C17orf107: variants seen among roughly 807,000 people sequenced by gnomAD.
The protein encoded by C17orf107 is uncharacterized protein C17orf107.
Under a neutral mutation model 8.9 loss-of-function variants are expected in C17orf107, and 9 were observed. That is an observed-to-expected ratio of 1.02 (90% confidence interval 0.61 to 1.77). The LOEUF (loss-of-function observed/expected upper bound fraction) is 1.77. Ranked by LOEUF, C17orf107 falls within the 40% of genes most tolerant of loss-of-function variation. C17orf107 has a pLI of 0.00. For missense variants in C17orf107, 281 were observed against 249.0 expected (o/e 1.13, Z -0.86); for synonymous variants, 139 against 120.3 (o/e 1.16, Z -1.02).
chr17:4,901,209 G>A lies in C17orf107; in HGVS notation c.*676G>A, dbSNP rs756946862. The A allele has an allele frequency of 4.4e-6, 7 of 1,597,082 alleles. No homozygotes were observed. The highest frequency in any genetic ancestry group is 2.2e-5 in the East Asian group (1 of 44,734). The stretch of plus-strand genomic sequence containing the variant: ...CCGTTCTCTGCGGGACGGGGGCACG[G>A]TCAGCTGGCTGTCAGAGCGGGGCGC... On this transcript the variant is annotated 3_prime_UTR_variant, in exon 3 of 3. Coordinates refer to ENST00000381365, the MANE Select transcript of C17orf107 (RefSeq NM_001145536.2).
Position 4,901,893 on chromosome 17 carries a change from C to CCA in C17orf107, c.*1360_*1361insCA, listed in dbSNP as rs374445478. ...GGCCCCGCCCCATAAGGCCCCCCCCCAACAATAATCGTCCGGGCCTCGGAG... is the reference window on the plus strand; with the variant it reads ...GGCCCCGCCCCATAAGGCCCCCCCCCCAAACAATAATCGTCCGGGCCTCGGAG... On this transcript the variant is annotated 3_prime_UTR_variant, in exon 3 of 3. Coordinates refer to ENST00000381365, the MANE Select transcript of C17orf107 (RefSeq NM_001145536.2). 8.7e-6 allele frequency: 14 copies of CCA among 1,607,476 alleles called. No homozygotes were observed. In the African/African-American group the frequency reaches 1.5e-4, roughly 17 times the overall value.
rs1228133214 is a variant in C17orf107, at chr17:4,900,905, C to A, written c.*372C>A. The A allele has an allele frequency of 6.2e-7, 1 of 1,614,034 alleles. No homozygotes were observed. The highest frequency in any genetic ancestry group is 1.7e-5 in the Admixed American group (1 of 60,000). On this transcript the variant is annotated 3_prime_UTR_variant, in exon 3 of 3. Transcript: ENST00000381365. The stretch of plus-strand genomic sequence containing the variant: ...ATGGAGACCGTGCATTTCTGGCCGC[C>A]GGCTGGAGGGAGAGCCAGTGAGAGC...
At position 4,901,185 on chromosome 17, in the gene C17orf107, C is replaced by G; in HGVS notation, c.*652C>G. 2.5e-6 allele frequency: 4 copies of G among 1,603,930 alleles called. No homozygotes were observed. Among genetic ancestry groups the G allele is most frequent in the Non-Finnish European group, 3.4e-6 (4 of 1,178,872 alleles). On this transcript the variant is annotated 3_prime_UTR_variant, in exon 3 of 3. Transcript: ENST00000381365. ...GGGCAGAAGTCGATGGCCCACTCGC[C>G]GTTCTCTGCGGGACGGGGGCACGGT...
rs1359029030 is a variant in C17orf107, at chr17:4,901,145, C to T, written c.*612C>T. ...GCCGTCGGTGGCGCCACCGTGGTGG[C>T]GGCGGATCACCCCCGGGCAGAAGTC... On this transcript the variant is annotated 3_prime_UTR_variant, in exon 3 of 3. Coordinates refer to ENST00000381365, the MANE Select transcript of C17orf107 (RefSeq NM_001145536.2). 7.4e-6 allele frequency: 12 copies of T among 1,611,098 alleles called. No individual in the cohort carries two copies. Among genetic ancestry groups the T allele is most frequent in the South Asian group, 1.1e-5 (1 of 91,082 alleles).
At chr17:4,903,566 A>T (rs1026941199), downstream of C17orf107, among the ~76,000 whole-genome samples, 3 of 152,186 alleles carry the variant, frequency 2.0e-5, no homozygotes, top group Non-Finnish European at 4.4e-5. Flanking sequence ...AACAGTCTCC[A>T]TAAAGACCTG....
In C17orf107 at chr17:4,901,887, C is replaced by CCT; in HGVS notation, c.*1355_*1356insTC. The CCT allele has an allele frequency of 1.9e-6, 3 of 1,593,442 alleles. No homozygotes were observed. Among genetic ancestry groups the CCT allele is most frequent in the Non-Finnish European group, 1.7e-6 (2 of 1,163,678 alleles). On this transcript the variant is annotated 3_prime_UTR_variant, in exon 3 of 3. Transcript: ENST00000381365. ...CCGGTTGGCCCCGCCCCATAAGGCC[C>CCT]CCCCCCAACAATAATCGTCCGGGCC...
chr17:4,903,919 A>G (rs112829158), downstream of C17orf107, among the ~76,000 whole-genome samples: 2 of 152,162 alleles, frequency 1.3e-5, no homozygotes, highest in Non-Finnish European at 2.9e-5. Flanking sequence ...GTGCAGTGGC[A>G]TGATCTCGGC....
Position 4,901,011 on chromosome 17 carries a change from C to T in C17orf107, c.*478C>T, listed in dbSNP as rs762509943. ...TTACCCTGCGCCGGCAGGAAGTAGG[C>T]GAGCAGCACCAGGCCCGAGATGAGC... On this transcript the variant is annotated 3_prime_UTR_variant, in exon 3 of 3. Transcript: ENST00000381365. 1.2e-6 allele frequency: 2 copies of T among 1,613,950 alleles called. No individual in the cohort carries two copies. The highest frequency in any genetic ancestry group is 1.1e-5 in the South Asian group (1 of 91,084).
In C17orf107 at chr17:4,900,732, G is replaced by A. The variant is rs1969952885; in HGVS notation, c.*199G>A. 3.2e-6 allele frequency: 5 copies of A among 1,538,612 alleles called. No homozygotes were observed. The African/African-American group carries it at 5.5e-5, about 17-fold the overall frequency. On this transcript the variant is annotated 3_prime_UTR_variant, in exon 3 of 3. Transcript: ENST00000381365. ...GCCAGAGCTTTTCCCGGGGTCTCTGGGTTTTGGCCACGCCCCCACCCTTCA... is the reference window on the plus strand; with the variant it reads ...GCCAGAGCTTTTCCCGGGGTCTCTGAGTTTTGGCCACGCCCCCACCCTTCA...
chr17:4,902,982 TGTGTGTC>T (rs750474244), downstream of C17orf107: 9 of 1,613,566 alleles, frequency 5.6e-6, no homozygotes, highest in Non-Finnish European at 7.6e-6. The surrounding 1 kb of genome is among the most constrained non-coding windows in gnomAD (Gnocchi z 4.0). Flanking sequence ...TCAGTATCTG[TGTGTGTC>T]CAATTGCCCC....
rs1019655704 is a variant in C17orf107 at position 4,899,661 on chromosome 17, G to A, written c.-102G>A. ...CGCCGCGCGCTGACCTCACAAACAC[G>A]GCTTCTCCTGGTACGGGCTGGTTAC... On this transcript the variant is annotated 5_prime_UTR_variant, in exon 1 of 3. Coordinates refer to ENST00000381365, the MANE Select transcript of C17orf107 (RefSeq NM_001145536.2). The A allele has an allele frequency of 9.7e-6, 14 of 1,439,724 alleles. No individual in the cohort carries two copies. The highest frequency in any genetic ancestry group is 1.2e-5 in the Non-Finnish European group (13 of 1,045,906). The allele number at this position is 1,439,724 out of a possible 1,614,324, so 89.2% of individuals were successfully genotyped here. A position where few individuals can be genotyped will look rare whatever the true frequency, so the allele number is the denominator to read the frequency against.
In C17orf107 at chr17:4,901,605, T is replaced by A; in HGVS notation, c.*1072T>A. On this transcript the variant is annotated 3_prime_UTR_variant, in exon 3 of 3. Transcript: ENST00000381365. ...TACGGCAAAAGTGAACTCCACCTCT[T>A]CGGCATTGTACGTCTGAGAGCTGCG... is the stretch of plus-strand genomic sequence containing the variant. The A allele has an allele frequency of 1.2e-6, 2 of 1,614,106 alleles. No homozygotes were observed. Among genetic ancestry groups the A allele is most frequent in the Non-Finnish European group, 1.7e-6 (2 of 1,180,012 alleles).
chr17:4,906,524 G>T (rs1363522017), downstream of C17orf107, among the ~76,000 whole-genome samples: 3 of 152,130 alleles, frequency 2.0e-5, no homozygotes, highest in African/African-American at 7.2e-5. Context: ...AAAGAGGGCA[G>T]AAGATTTGAA....
In C17orf107 at chr17:4,899,917, T is replaced by C; in HGVS notation, c.67-19T>C. The C allele has an allele frequency of 6.5e-7, 1 of 1,549,832 alleles. No individual in the cohort carries two copies. The highest frequency in any genetic ancestry group is 8.7e-7 in the Non-Finnish European group (1 of 1,145,784). On this transcript the variant is annotated intron_variant, in intron 1 of 2. Coordinates refer to ENST00000381365, the MANE Select transcript of C17orf107 (RefSeq NM_001145536.2). ...TGTGACCCCTGCCCTGCTACTCTAC[T>C]GCTCTGCTCCTTCTCCAGGTGGCCC... is the stretch of plus-strand genomic sequence containing the variant.
chr17:4,899,727 C>T lies in C17orf107; in HGVS notation c.-36C>T, dbSNP rs758376347. The stretch of plus-strand genomic sequence containing the variant: ...CCCCTACACGACGACAGACGCGTCC[C>T]CCAGCCCTTCTCCTGTCCTACCACT... On this transcript the variant is annotated 5_prime_UTR_variant, in exon 1 of 3. Coordinates refer to ENST00000381365, the MANE Select transcript of C17orf107 (RefSeq NM_001145536.2). The T allele has an allele frequency of 1.9e-6, 3 of 1,540,868 alleles. No individual in the cohort carries two copies. The Admixed American group carries it at 5.9e-5, about 30-fold the overall frequency.
At chr17:4,905,946 G>A (rs988646599), downstream of C17orf107, among the ~76,000 whole-genome samples, 4 of 152,200 alleles carry the variant, frequency 2.6e-5, no homozygotes, top group Non-Finnish European at 5.9e-5. Context: ...CAGAGGCCAA[G>A]GCAGCTCCAG....
chr17:4,900,416 G>T lies in C17orf107; in HGVS notation c.456G>T (p.Trp152Cys). 6.4e-7 allele frequency: 1 copy of T among 1,550,848 alleles called. No individual in the cohort carries two copies. Among genetic ancestry groups the T allele is most frequent in the South Asian group, 1.2e-5 (1 of 84,062 alleles). ...ASARLLVQGA[W>C]LCLCGRGLQG... ...CCCGGCTCCTAGTCCAGGGAGCATG[G>T]CTATGCCTGTGTGGACGGGGTCTGC... is the stretch of plus-strand genomic sequence containing the variant. The change falls in exon 3 of 3, where the codon TGG becomes TGT. Residue 152 changes from tryptophan to cysteine, a missense_variant. By Grantham distance (215) the Trp-to-Cys change is radical. Coordinates refer to ENST00000381365, the MANE Select transcript of C17orf107 (RefSeq NM_001145536.2).
At position 4,901,090 on chromosome 17, in the gene C17orf107, G is replaced by C. The variant is rs1344473749; in HGVS notation, c.*557G>C. ...AGAAGAGCGGCTTCCGGCGGATGAT[G>C]AGCGAGTAGATGACGTCAGTCTCCC... is the stretch of plus-strand genomic sequence containing the variant. On this transcript the variant is annotated 3_prime_UTR_variant, in exon 3 of 3. Coordinates refer to ENST00000381365, the MANE Select transcript of C17orf107 (RefSeq NM_001145536.2). 1.2e-6 allele frequency: 2 copies of C among 1,613,650 alleles called. No individual in the cohort carries two copies. Among genetic ancestry groups the C allele is most frequent in the Non-Finnish European group, 1.7e-6 (2 of 1,179,974 alleles).
rs1969936187 is a variant in C17orf107, at chr17:4,900,284, C to A, written c.324C>A (p.Ser108Arg). Residue 108 changes from serine (S) to arginine (R), a missense_variant, in exon 3 of 3, where the codon AGC (serine) becomes AGA (arginine). Transcript: ENST00000381365. ...AGGAGGCGCGGCGACTAGACGGCAGCGCGGGCCCAGCCCCAGACGGCAGGG... is the reference window on the plus strand; with the variant it reads ...AGGAGGCGCGGCGACTAGACGGCAGAGCGGGCCCAGCCCCAGACGGCAGGG... ...LQQEARRLDGSAGPAPDGRDP... is the reference protein window; with the variant it reads ...LQQEARRLDGRAGPAPDGRDP... The A allele has an allele frequency of 6.5e-7, 1 of 1,545,238 alleles. No individual in the cohort carries two copies. The highest frequency in any genetic ancestry group is 8.7e-7 in the Non-Finnish European group (1 of 1,146,616).
Sources: gnomAD v4.1 joint callset for allele counts (sites outside exome capture counted in the v4.1 genomes callset) on GRCh38, gnomAD v4.1.1 for gene constraint, Gnocchi (gnomAD v3.1) non-coding constraint, MANE v1.5 for transcripts, NCBI Gene and HGNC (gene_info 2026-07-23, HGNC 2026-07-21) for gene names.